Variants in MACROD2 observed in about 807,000 individuals in gnomAD.
The protein encoded by MACROD2 is mono-ADP ribosylhydrolase 2, also known as ADP-ribose glycohydrolase MACROD2.
In MACROD2, 36 loss-of-function variants were observed where a neutral mutation model predicts 70.4. The observed-to-expected ratio is 0.51, with a 90% CI of 0.39 to 0.68. The LOEUF is 0.68. Ranked by LOEUF, MACROD2 falls within the 30% of genes least tolerant of loss-of-function variation. MACROD2 has a pLI of 0.00. For synonymous variants in MACROD2, 172 were observed against 178.8 expected (o/e 0.96, Z 0.30); for missense variants, 496 against 538.4 (o/e 0.92, Z 0.78).
intron 5 of MACROD2, among the ~76,000 whole-genome samples, chr20:14,710,847 A>T (rs73262841): frequency 0.02 from 3,098 of 152,230 alleles, 118 homozygotes; most frequent in African/African-American, 0.07. Context: ...GTTTCTCCTG[A>T]TTGATAATCC....
rs529267315 is a variant in MACROD2, at chr20:14,143,447, C to T, written c.271+57719C>T. On this transcript the variant is annotated intron_variant, in intron 3 of 17. Coordinates refer to ENST00000684519, the MANE Select transcript of MACROD2 (RefSeq NM_001351661.2). ...GATGAAATCACTGACCAGCAGGATC[C>T]GTCAGTGGAGTCAGCATTTTATCAC... Among the ~76,000 whole-genome samples, 81 of 152,094 alleles carry T rather than the reference C, an allele frequency of 5.3e-4. 1 individual carries two copies. The highest frequency in any genetic ancestry group is 1.9e-3 in the African/African-American group (77 of 41,484).
chr20:14,578,162 T>G (rs1400290431), intron 4 of MACROD2, among the ~76,000 whole-genome samples: 2 of 150,892 alleles, frequency 1.3e-5, no homozygotes, highest in African/African-American at 4.9e-5. Context: ...ATAATATATA[T>G]TATATTTTAT....
rs1218759149 is a variant in MACROD2 at position 16,003,825 on chromosome 20, C to T, written c.1153+16667C>T. 2.6e-5 allele frequency among the ~76,000 whole-genome samples: 4 copies of T among 152,170 alleles called. No homozygotes were observed. The East Asian group carries it at 7.7e-4, about 29-fold the overall frequency. ...AGCTGGGATTACAGGCAAGCACCACCACGCCCGGCTAATTTTTGTATTTTT... is the reference window on the plus strand; with the variant it reads ...AGCTGGGATTACAGGCAAGCACCACTACGCCCGGCTAATTTTTGTATTTTT... On this transcript the variant is annotated intron_variant, in intron 15 of 17. Transcript: ENST00000684519.
At chr20:15,727,737 CT>C (rs1376258315) in intron 8 of MACROD2, among the ~76,000 whole-genome samples, 1 of 151,858 alleles carries the variant, frequency 6.6e-6, no homozygotes, top group Non-Finnish European at 1.5e-5. Flanking sequence ...TGAATCTTTG[CT>C]TGCATGTTGT....
intron 8 of MACROD2, among the ~76,000 whole-genome samples, chr20:15,689,831 T>A (rs1156516666): frequency 6.6e-6 from 1 of 152,158 alleles, no homozygotes; most frequent in Non-Finnish European, 1.5e-5. Context: ...TGAAAAGATA[T>A]GGTGGAGAAA....
chr20:14,214,314 G>C (rs2081596335), intron 3 of MACROD2, among the ~76,000 whole-genome samples: 1 of 152,068 alleles, frequency 6.6e-6, no homozygotes, highest in Non-Finnish European at 1.5e-5. Flanking sequence ...AACAAAAACA[G>C]AGAGACCATG....
intron 3 of MACROD2, among the ~76,000 whole-genome samples, chr20:14,471,977 G>C (rs1399277787): frequency 6.6e-6 from 1 of 152,084 alleles, no homozygotes; most frequent in Non-Finnish European, 1.5e-5. Context: ...TGATTTACAT[G>C]ATTTAAAATT....
At chr20:15,561,693 T>TAA (rs1358358530) in intron 8 of MACROD2, among the ~76,000 whole-genome samples, 2 of 152,108 alleles carry the variant, frequency 1.3e-5, no homozygotes, top group African/African-American at 4.8e-5. Context: ...GCCTTTGGCT[T>TAA]TTGTTATTTT....
At chr20:14,407,613 C>T (rs1299182151) in intron 3 of MACROD2, among the ~76,000 whole-genome samples, 1 of 152,060 alleles carries the variant, frequency 6.6e-6, no homozygotes, top group Non-Finnish European at 1.5e-5. Flanking sequence ...AGGACGCTCT[C>T]AAAATGAAGT....
At position 14,096,364 on chromosome 20, in the gene MACROD2, C is replaced by CTTT. The variant is rs71335950; in HGVS notation, c.271+10654_271+10656dup. On this transcript the variant is annotated intron_variant, in intron 3 of 17. Coordinates refer to ENST00000684519, the MANE Select transcript of MACROD2 (RefSeq NM_001351661.2). ...AGGACCTAGATATAAGTTATTTTAC[C>CTTT]TTTTTTTTTTTTTTTTTTTTGAGAC... Among the ~76,000 whole-genome samples the CTTT allele has an allele frequency of 4.4e-4, 52 of 118,090 alleles. 1 individual carries two copies. Among genetic ancestry groups the CTTT allele is most frequent in the African/African-American group, 9.5e-4 (28 of 29,400 alleles). The allele number at this position is 118,090 out of a possible 152,430, so 77.5% of individuals were successfully genotyped here.
intron 3 of MACROD2, among the ~76,000 whole-genome samples, chr20:14,247,187 A>C (rs560586595): frequency 3.2e-4 from 48 of 152,320 alleles, no homozygotes; most frequent in Admixed American, 1.6e-3. Context: ...TAGAGAAGCA[A>C]ATCTACAGGA....
At chr20:15,393,446 TTCTG>T (rs1555813016) in intron 6 of MACROD2, among the ~76,000 whole-genome samples, 2 of 152,226 alleles carry the variant, frequency 1.3e-5, no homozygotes, top group Non-Finnish European at 2.9e-5. Context: ...TCTTTGACTC[TTCTG>T]TCTTTCCATC....
At chr20:14,145,034 G>A (rs1392331672) in intron 3 of MACROD2, among the ~76,000 whole-genome samples, 13 of 152,040 alleles carry the variant, frequency 8.6e-5, no homozygotes, top group Admixed American at 6.5e-4. Context: ...ATATCCTCTG[G>A]ATTTCCCCAA....
intron 4 of MACROD2, among the ~76,000 whole-genome samples, chr20:14,549,342 A>C (rs1978499322): frequency 6.6e-6 from 1 of 152,234 alleles, no homozygotes; most frequent in Admixed American, 6.5e-5. Context: ...ATAATGAAAT[A>C]GAAAAAAGTA....
intron 5 of MACROD2, among the ~76,000 whole-genome samples, chr20:14,792,945 G>T (rs547730944): frequency 6.6e-6 from 1 of 151,746 alleles, no homozygotes; most frequent in Non-Finnish European, 1.5e-5. Flanking sequence ...AAGTTATTTT[G>T]GATTTTTTTT....
chr20:15,218,214 T>C (rs2076827765), intron 5 of MACROD2, among the ~76,000 whole-genome samples: 1 of 152,224 alleles, frequency 6.6e-6, no homozygotes, highest in Admixed American at 6.5e-5. Flanking sequence ...ACCCCAATTC[T>C]ATTTCCATTC....
rs1015493591 is a variant in MACROD2, at chr20:14,371,827, CT to C, written c.272-121643del. Among the ~76,000 whole-genome samples, 5 of 150,458 alleles carry C rather than the reference CT, an allele frequency of 3.3e-5. No individual in the cohort carries two copies. The South Asian group carries it at 8.5e-4, about 25-fold the overall frequency. On this transcript the variant is annotated intron_variant, in intron 3 of 17. Transcript: ENST00000684519. ...CATGATTGCTCTTTTCTTTTCTTTT[CT>C]TTTTTTTTGAAGAATGGGAATGAAG...
intron 6 of MACROD2, among the ~76,000 whole-genome samples, chr20:15,341,449 A>G (rs2078109468): frequency 1.3e-5 from 2 of 152,188 alleles, no homozygotes; most frequent in South Asian, 4.1e-4. Context: ...TTTAGGAGCA[A>G]CCAAGAGAAG....
At chr20:15,718,238 C>G (rs1465560231) in intron 8 of MACROD2, among the ~76,000 whole-genome samples, 8 of 152,042 alleles carry the variant, frequency 5.3e-5, no homozygotes, top group Non-Finnish European at 2.9e-5. Context: ...ATCCACCAGC[C>G]TCAGCCTCCC....
Sources: allele counts gnomAD v4.1 joint callset (sites outside exome capture counted in the v4.1 genomes callset), GRCh38; gene constraint gnomAD v4.1.1; transcripts MANE v1.5; gene names NCBI Gene and HGNC (gene_info 2026-07-23, HGNC 2026-07-21).